Variants in ADAM2 observed in about 807,000 individuals in gnomAD.
ADAM2 encodes the protein disintegrin and metalloproteinase domain-containing protein 2.
In ADAM2, 101 loss-of-function variants were observed where a neutral mutation model predicts 99.3. The ratio of observed to expected loss-of-function variants is 1.02; its 90% CI spans 0.87 to 1.20. The LOEUF (loss-of-function observed/expected upper bound fraction) is 1.20. Among genes scored for constraint, ADAM2 ranks in the 50% most tolerant of loss-of-function variants. The probability of loss-of-function intolerance (pLI) is 0.00; values close to 1 mark genes in which losing one functional copy is unlikely to be tolerated. For synonymous variants in ADAM2, 323 were observed against 287.6 expected (o/e 1.12, Z -1.25); for missense variants, 948 against 878.7 (o/e 1.08, Z -1.00).
chr8:39,791,550 C>T (rs1803715020), intron 7 of ADAM2, among the ~76,000 whole-genome samples: 1 of 152,008 alleles, frequency 6.6e-6, no homozygotes, highest in Non-Finnish European at 1.5e-5. Flanking sequence ...CTGCTGGCTC[C>T]TTTAGACTTC....
chr8:39,803,710 C>A (rs1186478582), intron 7 of ADAM2, among the ~76,000 whole-genome samples: 1 of 152,020 alleles, frequency 6.6e-6, no homozygotes, highest in Non-Finnish European at 1.5e-5. Flanking sequence ...AAATCAGAAT[C>A]AAAATGAAAA....
chr8:39,744,446 A>AT (rs1823364611), intron 20 of ADAM2, among the ~76,000 whole-genome samples: 1 of 150,794 alleles, frequency 6.6e-6, no homozygotes, highest in South Asian at 2.1e-4. Flanking sequence ...CAACCCCCCC[A>AT]TCCTTAAAAT....
At chr8:39,832,423 G>C (rs947838158) in intron 3 of ADAM2, among the ~76,000 whole-genome samples, 1 of 152,162 alleles carries the variant, frequency 6.6e-6, no homozygotes, top group East Asian at 1.9e-4. Flanking sequence ...TACTCCACCA[G>C]TGTGGACTAC....
chr8:39,806,137 C>T (rs1804427268), intron 7 of ADAM2, among the ~76,000 whole-genome samples: 1 of 152,046 alleles, frequency 6.6e-6, no homozygotes, highest in South Asian at 2.1e-4. Context: ...AAGGTAAATC[C>T]ATTGGCAAAG....
At chr8:39,753,426 GAA>G (rs199506988) in intron 16 of ADAM2, among the ~76,000 whole-genome samples, 5 of 141,224 alleles carry the variant, frequency 3.5e-5, no homozygotes, top group Admixed American at 1.4e-4. Flanking sequence ...TGATGCAATA[GAA>G]AAAAAAAAAA....
At chr8:39,749,768 GTTAA>G (rs745369477) in intron 16 of ADAM2, 24 bp from the exon 17 acceptor site, 13 of 1,592,074 alleles carry the variant, frequency 8.2e-6, no homozygotes, top group Non-Finnish European at 1.1e-5. Flanking sequence ...GCAAAAATAA[GTTAA>G]TTGACATGCC....
intron 7 of ADAM2, among the ~76,000 whole-genome samples, chr8:39,789,418 C>T (rs755689220): frequency 7.9e-5 from 12 of 151,684 alleles, no homozygotes; most frequent in Non-Finnish European, 1.6e-4. Context: ...AGCAAATATG[C>T]GTTTTTTAAG....
chr8:39,800,002 ATTGGGACAT>A (rs1391088967), intron 7 of ADAM2, among the ~76,000 whole-genome samples: 2 of 152,182 alleles, frequency 1.3e-5, no homozygotes, highest in Non-Finnish European at 2.9e-5. Context: ...GTGTCTTTTA[ATTGGGACAT>A]TTAGCTCATT....
At chr8:39,757,772 T>G (rs577939645) in intron 15 of ADAM2, among the ~76,000 whole-genome samples, 47 of 152,286 alleles carry the variant, frequency 3.1e-4, no homozygotes, top group South Asian at 1.2e-3. Context: ...GTGAATGCAA[T>G]TTCCGTTATG....
At chr8:39,796,819 T>G (rs1280957556) in intron 7 of ADAM2, among the ~76,000 whole-genome samples, 1 of 152,236 alleles carries the variant, frequency 6.6e-6, no homozygotes, top group East Asian at 1.9e-4. Flanking sequence ...TTTCCATATG[T>G]TCATTGGCCA....
intron 10 of ADAM2, among the ~76,000 whole-genome samples, chr8:39,785,124 A>G (rs1803408557): frequency 6.6e-6 from 1 of 152,228 alleles, no homozygotes; most frequent in South Asian, 2.1e-4. Flanking sequence ...ATTATTTGGC[A>G]ATGCCAAAGT....
intron 16 of ADAM2, 83 bp downstream of exon 16, chr8:39,755,645 G>T: frequency 9.5e-7 from 1 of 1,053,512 alleles, no homozygotes; most frequent in Non-Finnish European, 1.4e-6. Context: ...CTGCACTCTA[G>T]CCAGGGCAAG....
chr8:39,828,588 G>C (rs1369032973), intron 3 of ADAM2, among the ~76,000 whole-genome samples: 2 of 151,660 alleles, frequency 1.3e-5, no homozygotes, highest in Admixed American at 6.6e-5. Flanking sequence ...CAATCAAGAA[G>C]AGTAAGCACA....
At chr8:39,830,581 G>A (rs938853385) in intron 3 of ADAM2, among the ~76,000 whole-genome samples, 4 of 152,110 alleles carry the variant, frequency 2.6e-5, no homozygotes, top group Non-Finnish European at 5.9e-5. Context: ...GAGTGAGCAG[G>A]TGAAGCTGTG....
intron 7 of ADAM2, among the ~76,000 whole-genome samples, chr8:39,795,360 C>A (rs1803894201): frequency 6.6e-6 from 1 of 152,230 alleles, no homozygotes; most frequent in South Asian, 2.1e-4. Flanking sequence ...CAGGAAAAGA[C>A]AACAGCACAG....
intron 10 of ADAM2, among the ~76,000 whole-genome samples, chr8:39,778,976 G>T (rs188136867): frequency 2.2e-4 from 34 of 151,316 alleles, no homozygotes; most frequent in Non-Finnish European, 4.3e-4. Context: ...AAGATCCAGT[G>T]ATTTCACTTT....
chr8:39,768,881 G>A (rs557906037), intron 12 of ADAM2, among the ~76,000 whole-genome samples: 3 of 152,084 alleles, frequency 2.0e-5, no homozygotes, highest in Admixed American at 6.6e-5. Flanking sequence ...AGATGAATAC[G>A]TTCTAGAGAT....
intron 3 of ADAM2, among the ~76,000 whole-genome samples, chr8:39,831,385 C>T (rs771095484): frequency 5.9e-5 from 9 of 152,078 alleles, no homozygotes; most frequent in Non-Finnish European, 1.2e-4. Context: ...ATCCATAAAA[C>T]CACCCCTGAA....
At chr8:39,806,856 C>T (rs1256635483) in intron 7 of ADAM2, among the ~76,000 whole-genome samples, 1 of 152,108 alleles carries the variant, frequency 6.6e-6, no homozygotes, top group Non-Finnish European at 1.5e-5. Context: ...AAAACACTGC[C>T]TGTTTTAACT....
Sources: allele counts gnomAD v4.1 joint callset (sites outside exome capture counted in the v4.1 genomes callset), GRCh38; gene constraint gnomAD v4.1.1; transcripts MANE v1.5; gene names NCBI Gene and HGNC (gene_info 2026-07-23, HGNC 2026-07-21).